ADCK1: variants seen among roughly 807,000 people sequenced by gnomAD.
ADCK1 encodes aarF domain containing kinase 1.
A neutral mutation model predicts 52.3 loss-of-function variants in ADCK1; 41 were observed. The observed-to-expected ratio is 0.78, with a 90% CI of 0.61 to 1.02. The LOEUF (loss-of-function observed/expected upper bound fraction) is 1.02. Ranked by LOEUF, ADCK1 falls within the 50% of genes least tolerant of loss-of-function variation. The pLI is 0.00. For synonymous variants in ADCK1, 250 were observed against 274.6 expected, an observed-to-expected ratio of 0.91 and a Z score of 0.89; for missense variants, 658 against 679.5, an observed-to-expected ratio of 0.97 and a Z score of 0.35.
chr14:77,875,221 G>T (rs752877505), intron 4 of ADCK1, among the ~76,000 whole-genome samples: 5 of 152,166 alleles, frequency 3.3e-5, no homozygotes, highest in African/African-American at 4.8e-5. Context: ...AGGACTCAAG[G>T]ATGGGTTACA....
At chr14:77,884,930 G>A (rs913411968) in intron 4 of ADCK1, among the ~76,000 whole-genome samples, 1 of 152,218 alleles carries the variant, frequency 6.6e-6, no homozygotes, top group Non-Finnish European at 1.5e-5. Flanking sequence ...ATTTTGGAAA[G>A]CTCCATGTTT....
At chr14:77,863,788 G>A (rs2082603841) in intron 4 of ADCK1, among the ~76,000 whole-genome samples, 1 of 151,850 alleles carries the variant, frequency 6.6e-6, no homozygotes, top group Non-Finnish European at 1.5e-5. Context: ...AGTGAGCTGA[G>A]ATCAGGCTAT....
chr14:77,898,462 A>G (rs1368714266), intron 5 of ADCK1, among the ~76,000 whole-genome samples: 2 of 152,206 alleles, frequency 1.3e-5, no homozygotes, highest in Non-Finnish European at 2.9e-5. Flanking sequence ...TGCAACCATA[A>G]AAAGGAATGA....
chr14:77,845,035 C>T (rs1021360003), intron 3 of ADCK1, among the ~76,000 whole-genome samples: 1 of 152,240 alleles, frequency 6.6e-6, no homozygotes, highest in African/African-American at 2.4e-5. Context: ...TCTCAATTTA[C>T]AGATGAGCTG....
intron 4 of ADCK1, among the ~76,000 whole-genome samples, chr14:77,860,988 G>C (rs751539307): frequency 6.6e-6 from 1 of 152,150 alleles, no homozygotes; most frequent in Non-Finnish European, 1.5e-5. Context: ...AGCCAGGGTG[G>C]AGTGAGGGAA....
At chr14:77,906,420 G>A (rs1378485100) in intron 6 of ADCK1, among the ~76,000 whole-genome samples, 1 of 152,194 alleles carries the variant, frequency 6.6e-6, no homozygotes, top group Non-Finnish European at 1.5e-5. Flanking sequence ...CAGCCTGGTT[G>A]CATTCTAGTC....
At chr14:77,855,133 G>A (rs753268586) in intron 3 of ADCK1, among the ~76,000 whole-genome samples, 5 of 152,158 alleles carry the variant, frequency 3.3e-5, no homozygotes, top group Admixed American at 1.3e-4. Context: ...CTTTCCCCAC[G>A]TGGCCTGGCA....
intron 4 of ADCK1, among the ~76,000 whole-genome samples, chr14:77,861,567 G>C (rs1441029384): frequency 6.6e-6 from 1 of 151,930 alleles, no homozygotes; most frequent in African/African-American, 2.4e-5. Flanking sequence ...TCTGCAGAAA[G>C]CTCCATTTCA....
At chr14:77,909,940 G>A (rs966111471) in intron 7 of ADCK1, among the ~76,000 whole-genome samples, 2 of 152,160 alleles carry the variant, frequency 1.3e-5, no homozygotes, top group African/African-American at 4.8e-5. Flanking sequence ...TAGCAGAGGT[G>A]GGATTGAGAC....
intron 4 of ADCK1, among the ~76,000 whole-genome samples, chr14:77,865,955 C>T (rs1345943925): frequency 6.6e-6 from 1 of 152,156 alleles, no homozygotes; most frequent in African/African-American, 2.4e-5. Flanking sequence ...CTGAGAGACT[C>T]GTAAATGGCA....
intron 1 of ADCK1, among the ~76,000 whole-genome samples, chr14:77,806,216 G>C (rs1211187895): frequency 2.0e-5 from 3 of 151,796 alleles, no homozygotes; most frequent in Non-Finnish European, 4.4e-5. Context: ...GTGAGCACTC[G>C]CTGCACCTGG....
intron 4 of ADCK1, among the ~76,000 whole-genome samples, chr14:77,875,585 A>G (rs1594990775): frequency 6.6e-6 from 1 of 152,052 alleles, no homozygotes; most frequent in Admixed American, 6.5e-5. Flanking sequence ...AGAGGCTGTT[A>G]TTTCAACAGC....
chr14:77,900,503 C>A (rs1205743351), intron 6 of ADCK1: 5 of 431,662 alleles, frequency 1.2e-5, no homozygotes, highest in Non-Finnish European at 1.9e-5. Context: ...AGGAGAATCG[C>A]TTGGACCCAG....
In ADCK1 at chr14:77,903,082, G is replaced by C. The variant is rs182215457; in HGVS notation, c.741+3824G>C. 3.9e-5 allele frequency among the ~76,000 whole-genome samples: 6 copies of C among 152,380 alleles called. No homozygotes were observed. The East Asian group carries it at 1.2e-3, about 29-fold the overall frequency. On this transcript the variant is annotated intron_variant, in intron 6 of 10. Transcript: ENST00000238561. Reference sequence around the variant, plus strand: ...TCCCCTGGCTGGGGCCAACTGGCAAGTGCCAGACCAAGACATGCAATAATA... The same window carrying C: ...TCCCCTGGCTGGGGCCAACTGGCAACTGCCAGACCAAGACATGCAATAATA...
In ADCK1 at chr14:77,923,418, T is replaced by G. The variant is rs1370035518; in HGVS notation, c.859-1039T>G. ...GCTGGAATGTCAGTGTGGTGTGAGA[T>G]GAGACCAGGCAGGAGGCAGGGCCTG... On this transcript the variant is annotated intron_variant, in intron 7 of 10. Coordinates refer to ENST00000238561, the MANE Select transcript of ADCK1 (RefSeq NM_020421.4). This position sits in a 1 kb window ranked among gnomAD's most constrained non-coding sequence, Gnocchi z 4.3. 1 of 152,314 alleles carries G rather than the reference T, an allele frequency of 6.6e-6. No homozygotes were observed. The highest frequency in any genetic ancestry group is 1.9e-4 in the East Asian group (1 of 5,194). The allele number at this position is 152,314 out of a possible 1,614,324, so 9.4% of individuals were successfully genotyped here. A position where few individuals can be genotyped will look rare whatever the true frequency, so the allele number is the denominator to read the frequency against.
intron 4 of ADCK1, among the ~76,000 whole-genome samples, chr14:77,886,890 G>T (rs2083159739): frequency 6.6e-6 from 1 of 150,622 alleles, no homozygotes; most frequent in Non-Finnish European, 1.5e-5. Context: ...CTGGTCGACA[G>T]CGCGGGACTC....
intron 1 of ADCK1, among the ~76,000 whole-genome samples, chr14:77,803,560 G>A (rs1181270907): frequency 6.6e-6 from 1 of 152,068 alleles, no homozygotes; most frequent in African/African-American, 2.4e-5. Context: ...AACCTACTGG[G>A]GTGTTTCCTG....
chr14:77,901,819 G>A (rs796440265), intron 6 of ADCK1, among the ~76,000 whole-genome samples: 2 of 152,266 alleles, frequency 1.3e-5, no homozygotes, highest in African/African-American at 2.4e-5. Flanking sequence ...TTAAAACAGG[G>A]TTACCCCCTT....
intron 4 of ADCK1, among the ~76,000 whole-genome samples, chr14:77,861,910 C>G (rs1156982529): frequency 6.6e-6 from 1 of 152,252 alleles, no homozygotes. Flanking sequence ...TTCTGCACAT[C>G]AGCTGGCACC....
Sources: gnomAD v4.1 joint callset for allele counts (sites outside exome capture counted in the v4.1 genomes callset) on GRCh38, gnomAD v4.1.1 for gene constraint, Gnocchi (gnomAD v3.1) non-coding constraint, MANE v1.5 for transcripts, NCBI Gene and HGNC (gene_info 2026-07-23, HGNC 2026-07-21) for gene names.